VOPP1: variants seen among roughly 807,000 people sequenced by gnomAD.
VOPP1 encodes the protein VOPP1 WW domain binding protein.
A neutral mutation model predicts 23.5 loss-of-function variants in VOPP1; 8 were observed. That is an observed-to-expected ratio of 0.34 (90% CI 0.20 to 0.61). The LOEUF (loss-of-function observed/expected upper bound fraction) is 0.61, where lower values mean the gene tolerates loss of function less well. Among genes scored for constraint, VOPP1 ranks in the 20% least tolerant of loss-of-function variants. The pLI is 0.78. For missense variants in VOPP1, 174 were observed against 238.1 expected, an observed-to-expected ratio of 0.73 and a Z score of 1.77; for synonymous variants, 83 against 97.3, an observed-to-expected ratio of 0.85 and a Z score of 0.86.
intron 1 of VOPP1, among the ~76,000 whole-genome samples, chr7:55,569,284 G>T (rs1309555005): frequency 6.6e-6 from 1 of 152,214 alleles, no homozygotes; most frequent in African/African-American, 2.4e-5. Flanking sequence ...TCCTGGTGAT[G>T]CCCACTGTCC....
chr7:55,453,709 ATAT>A (rs901016758), intron 4 of VOPP1, among the ~76,000 whole-genome samples: 6 of 152,234 alleles, frequency 3.9e-5, no homozygotes, highest in Non-Finnish European at 8.8e-5. Flanking sequence ...AAAGTTTGAA[ATAT>A]TATGTGAATT....
At chr7:55,529,247 C>A (rs12113861) in intron 1 of VOPP1, among the ~76,000 whole-genome samples, 1 of 151,930 alleles carries the variant, frequency 6.6e-6, no homozygotes, top group Non-Finnish European at 1.5e-5. Context: ...CGCCTGTAGT[C>A]TCAGCTACTT....
At chr7:55,566,370 T>C (rs1384906815) in intron 1 of VOPP1, among the ~76,000 whole-genome samples, 2 of 152,090 alleles carry the variant, frequency 1.3e-5, no homozygotes, top group Non-Finnish European at 1.5e-5. Context: ...CTGACCAATA[T>C]GGTGAAACCC....
chr7:55,487,958 G>A (rs1482240990), intron 4 of VOPP1, among the ~76,000 whole-genome samples: 1 of 152,204 alleles, frequency 6.6e-6, no homozygotes, highest in Non-Finnish European at 1.5e-5. Context: ...CTAAAGAGCA[G>A]GGAGGATTCT....
intron 2 of VOPP1, among the ~76,000 whole-genome samples, chr7:55,499,765 T>C (rs899396907): frequency 6.6e-6 from 1 of 152,168 alleles, no homozygotes; most frequent in Non-Finnish European, 1.5e-5. Context: ...GGAATGCTGG[T>C]ACCCCTGGTT....
chr7:55,472,299 CA>C lies in VOPP1; in HGVS notation c.*555del, dbSNP rs1314038259. 2 of 146,222 alleles carry C rather than the reference CA, an allele frequency of 1.4e-5. No homozygotes were observed. The highest frequency in any genetic ancestry group is 4.2e-4 in the East Asian group (2 of 4,780). 9.1% of individuals were successfully genotyped at this position (146,222 alleles called of 1,614,324 possible). Reference sequence around the variant, plus strand: ...GAGAAGTCTATCTTTAGGATATGAACAGAGACAGAAACATGACAAGGGGCTT... The same window carrying C: ...GAGAAGTCTATCTTTAGGATATGAACGAGACAGAAACATGACAAGGGGCTT... On this transcript the variant is annotated 3_prime_UTR_variant, in exon 5 of 5. Transcript: ENST00000285279.
At chr7:55,439,077 C>T (rs577462715) in intron 4 of VOPP1, among the ~76,000 whole-genome samples, 305 of 152,010 alleles carry the variant, frequency 2.0e-3, no homozygotes, top group African/African-American at 6.8e-3. Context: ...TAGAGGCGGG[C>T]GAGTCTGGAG....
chr7:55,528,276 T>C (rs544834468), intron 1 of VOPP1, among the ~76,000 whole-genome samples: 8 of 152,324 alleles, frequency 5.3e-5, no homozygotes, highest in Middle Eastern at 3.4e-3. Context: ...GAAAATAATA[T>C]GGAAAGCCAT....
At chr7:55,512,731 C>T (rs1001786650) in intron 2 of VOPP1, among the ~76,000 whole-genome samples, 1 of 152,224 alleles carries the variant, frequency 6.6e-6, no homozygotes, top group African/African-American at 2.4e-5. Context: ...CCCTCTTCCA[C>T]GCATCCTGGA....
At chr7:55,462,543 TTTC>T (rs1297923303) in intron 4 of VOPP1, among the ~76,000 whole-genome samples, 9 of 152,144 alleles carry the variant, frequency 5.9e-5, no homozygotes, top group African/African-American at 7.2e-5. Context: ...TTGTTCTTCT[TTTC>T]TTCTTCTTTT....
rs951506424 is a variant in VOPP1 at position 55,521,053 on chromosome 7, G to A, written c.113+19C>T. The A allele has an allele frequency of 9.6e-6, 15 of 1,563,008 alleles. No homozygotes were observed. The highest frequency in any genetic ancestry group is 2.7e-5 in the African/African-American group (2 of 73,738). On this transcript the variant is annotated intron_variant, in intron 2 of 4. Coordinates refer to ENST00000285279, the MANE Select transcript of VOPP1 (RefSeq NM_030796.5). ...GGTATGGCCACAGAATGAAACCACA[G>A]AAAGGTGCAAATACTTACATATAAT...
rs140835548 is a variant in VOPP1 at position 55,536,798 on chromosome 7, G to T, written c.55-15668C>A. Among the ~76,000 whole-genome samples, 663 of 152,290 alleles carry T rather than the reference G, an allele frequency of 4.4e-3. 3 individuals carry two copies. The highest frequency in any genetic ancestry group is 8.3e-3 in the South Asian group (40 of 4,824). ...GCGTGCTGATCCTGGCTCAGGCAGC[G>T]CATCTGCCACACGGAAGGGCGCACC... is the stretch of plus-strand genomic sequence containing the variant. On this transcript the variant is annotated intron_variant, in intron 1 of 4. Transcript: ENST00000285279.
chr7:55,517,714 G>A (rs779509193), intron 2 of VOPP1, among the ~76,000 whole-genome samples: 2 of 152,156 alleles, frequency 1.3e-5, no homozygotes, highest in Non-Finnish European at 2.9e-5. Flanking sequence ...ACTTCCAGTA[G>A]GGGTGTAGCC....
chr7:55,511,273 C>A (rs1795054694), intron 2 of VOPP1, among the ~76,000 whole-genome samples: 1 of 152,208 alleles, frequency 6.6e-6, no homozygotes, highest in East Asian at 1.9e-4. Context: ...TCATGATGAC[C>A]CTCAGGGAGA....
chr7:55,503,020 G>A (rs1197202770), intron 2 of VOPP1, among the ~76,000 whole-genome samples: 6 of 152,196 alleles, frequency 3.9e-5, no homozygotes, highest in Admixed American at 6.5e-5. Context: ...AAAAGATCAC[G>A]TATAGCAGCA....
intron 1 of VOPP1, among the ~76,000 whole-genome samples, chr7:55,569,236 CT>C (rs1798265657): frequency 6.6e-6 from 1 of 152,216 alleles, no homozygotes; most frequent in African/African-American, 2.4e-5. Context: ...CCTACCTGGG[CT>C]TCAGGAGGGG....
chr7:55,437,750 T>C (rs983110577), intron 4 of VOPP1, among the ~76,000 whole-genome samples: 13 of 152,228 alleles, frequency 8.5e-5, no homozygotes, highest in Admixed American at 7.9e-4. Flanking sequence ...TTCTTTCTTC[T>C]GTTTTACACC....
chr7:55,488,099 C>T (rs1793282358), intron 4 of VOPP1, among the ~76,000 whole-genome samples: 1 of 152,192 alleles, frequency 6.6e-6, no homozygotes, highest in Admixed American at 6.5e-5. Context: ...GGGACCCTGC[C>T]AGCATCCTGA....
At chr7:55,491,916 T>C (rs1220452291) in intron 4 of VOPP1, among the ~76,000 whole-genome samples, 4 of 152,208 alleles carry the variant, frequency 2.6e-5, no homozygotes, top group Admixed American at 2.6e-4. Context: ...AGTAACATAA[T>C]TAGTATCTAG....
Sources: gnomAD v4.1 joint callset for allele counts (sites outside exome capture counted in the v4.1 genomes callset) on GRCh38, gnomAD v4.1.1 for gene constraint, MANE v1.5 for transcripts, NCBI Gene and HGNC (gene_info 2026-07-23, HGNC 2026-07-21) for gene names.